The following FTO variants were observed in gnomAD, a reference collection of about 807,000 sequenced individuals.
FTO encodes the protein alpha-ketoglutarate-dependent dioxygenase FTO.
Under a neutral mutation model 63.9 loss-of-function variants are expected in FTO, and 47 were observed. The observed-to-expected ratio is 0.74, with a 90% CI of 0.58 to 0.94. The LOEUF (loss-of-function observed/expected upper bound fraction) is 0.94, where lower values mean the gene tolerates loss of function less well. Ranked by LOEUF, FTO falls within the 40% of genes least tolerant of loss-of-function variation. The pLI is 0.00. For missense variants in FTO, 562 were observed against 618.1 expected (o/e 0.91, Z 0.96); for synonymous variants, 207 against 224.4 (o/e 0.92, Z 0.69).
At chr16:53,948,076 A>G (rs1599060223) in intron 8 of FTO, among the ~76,000 whole-genome samples, 1 of 152,314 alleles carries the variant, frequency 6.6e-6, no homozygotes, top group South Asian at 2.1e-4. Context: ...GTAAAGTAAG[A>G]GAGCCATTCC....
rs529094808 is a variant in FTO at position 54,116,672 on chromosome 16, A to G, written c.*4757A>G. 53 of 151,846 alleles carry G rather than the reference A, an allele frequency of 3.5e-4. No individual in the cohort carries two copies. The highest frequency in any genetic ancestry group is 1.2e-3 in the African/African-American group (50 of 41,414). 9.4% of individuals were successfully genotyped at this position (151,846 alleles called of 1,614,324 possible). A position where few individuals can be genotyped will look rare whatever the true frequency, so the allele number is the denominator to read the frequency against. On this transcript the variant is annotated 3_prime_UTR_variant, in exon 9 of 9. Coordinates refer to ENST00000471389, the MANE Select transcript of FTO (RefSeq NM_001080432.3). The stretch of plus-strand genomic sequence containing the variant: ...TGACTTCCTGCAAGACAGCAAGGGC[A>G]CCCCTGGGCCACTGCTGTGTTTGGG...
At chr16:53,708,285 A>G (rs1320832250) in intron 1 of FTO, among the ~76,000 whole-genome samples, 2 of 152,088 alleles carry the variant, frequency 1.3e-5, no homozygotes, top group African/African-American at 4.8e-5. Context: ...AGAATCACCT[A>G]ACCTGGAAGG....
intron 7 of FTO, among the ~76,000 whole-genome samples, chr16:53,930,680 T>C (rs1342894946): frequency 6.6e-6 from 1 of 152,310 alleles, no homozygotes; most frequent in Admixed American, 6.5e-5. Context: ...TTAAATACTG[T>C]ATTACATAGT....
chr16:53,839,475 G>A (rs959629066), intron 3 of FTO, among the ~76,000 whole-genome samples: 9 of 152,130 alleles, frequency 5.9e-5, no homozygotes, highest in African/African-American at 2.2e-4. Context: ...CACAGCCTAA[G>A]GAGGGGAAAA....
intron 4 of FTO, among the ~76,000 whole-genome samples, chr16:53,853,740 G>A (rs935316321): frequency 5.3e-5 from 8 of 152,052 alleles, no homozygotes; most frequent in African/African-American, 1.7e-4. Flanking sequence ...GGGCACTTTG[G>A]TTGATTCCAT....
chr16:53,719,330 C>T (rs2075977846), intron 1 of FTO, among the ~76,000 whole-genome samples: 2 of 148,736 alleles, frequency 1.3e-5, no homozygotes, highest in South Asian at 4.4e-4. Context: ...CTCCCGGGCT[C>T]AAACAGTTCT....
intron 8 of FTO, among the ~76,000 whole-genome samples, chr16:54,063,265 T>C (rs2689246): frequency 0.26 from 40,154 of 152,120 alleles, 8,254 homozygotes; most frequent in African/African-American, 0.57. Flanking sequence ...CTGCTGATGT[T>C]GGTGGCACCA....
chr16:53,909,646 C>T (rs1356338720), intron 7 of FTO, among the ~76,000 whole-genome samples: 2 of 149,918 alleles, frequency 1.3e-5, no homozygotes, highest in African/African-American at 4.9e-5. Flanking sequence ...TCACTGCAGC[C>T]TCCGCCTCCC....
rs578018571 is a variant in FTO, at chr16:53,915,956, A to C, written c.1240-18029A>C. Among the ~76,000 whole-genome samples, 398 of 152,338 alleles carry C rather than the reference A, an allele frequency of 2.6e-3. 1 individual carries two copies. Among genetic ancestry groups the C allele is most frequent in the African/African-American group, 9.2e-3 (382 of 41,576 alleles). On this transcript the variant is annotated intron_variant, in intron 7 of 8. Transcript: ENST00000471389. The stretch of plus-strand genomic sequence containing the variant: ...TTAAGTAGGAATTCATGCCAACCGC[A>C]GCAGTAGTTTGCAGGTTTTAGACTG...
At chr16:53,766,465 TACCCATTTCA>T (rs1250915208) in intron 1 of FTO, among the ~76,000 whole-genome samples, 1 of 152,148 alleles carries the variant, frequency 6.6e-6, no homozygotes, top group Non-Finnish European at 1.5e-5. Flanking sequence ...TCAAGTGATT[TACCCATTTCA>T]GTGCTCCAAA....
chr16:53,900,655 T>C (rs1357129026), intron 7 of FTO, among the ~76,000 whole-genome samples: 2 of 136,138 alleles, frequency 1.5e-5, no homozygotes, highest in Non-Finnish European at 3.1e-5. Flanking sequence ...TGTGGAGTTA[T>C]ACAAAGAGCT....
chr16:53,814,054 A>G (rs964892544), intron 2 of FTO, among the ~76,000 whole-genome samples: 3 of 152,134 alleles, frequency 2.0e-5, no homozygotes, highest in Non-Finnish European at 4.4e-5. Context: ...AGTTCAGCCC[A>G]TATTTGTCTG....
At chr16:53,852,781 T>C (rs1419914665) in intron 4 of FTO, among the ~76,000 whole-genome samples, 1 of 152,238 alleles carries the variant, frequency 6.6e-6, no homozygotes, top group Non-Finnish European at 1.5e-5. Flanking sequence ...ATCATGACTT[T>C]GTTGCATAGT....
intron 8 of FTO, among the ~76,000 whole-genome samples, chr16:54,025,710 C>A (rs1431602011): frequency 7.2e-6 from 1 of 138,518 alleles, no homozygotes; most frequent in East Asian, 2.3e-4. Flanking sequence ...TAGAATGAGA[C>A]TCCATCTCAA....
rs558143329 is a variant in FTO at position 53,937,293 on chromosome 16, G to C, written c.1364+3184G>C. 7.5e-6 allele frequency: 3 copies of C among 398,518 alleles called. No individual in the cohort carries two copies. The South Asian group carries it at 3.8e-4, about 51-fold the overall frequency. 24.7% of individuals were successfully genotyped at this position (398,518 alleles called of 1,614,324 possible). A position where few individuals can be genotyped will look rare whatever the true frequency, so the allele number is the denominator to read the frequency against. On this transcript the variant is annotated intron_variant, in intron 8 of 8. Transcript: ENST00000471389. Reference sequence around the variant, plus strand: ...CATCGGGAGAAGCTGTGTGAATGCAGGGTAAGTGTTAACAGAAGTGGGACA... The same window carrying C: ...CATCGGGAGAAGCTGTGTGAATGCACGGTAAGTGTTAACAGAAGTGGGACA...
At chr16:54,017,250 T>G (rs1599212802) in intron 8 of FTO, among the ~76,000 whole-genome samples, 1 of 152,238 alleles carries the variant, frequency 6.6e-6, no homozygotes, top group East Asian at 1.9e-4. Context: ...AAGTTGATAC[T>G]TCATCTTTGC....
intron 7 of FTO, among the ~76,000 whole-genome samples, chr16:53,919,714 C>G (rs2081964446): frequency 6.6e-6 from 1 of 152,178 alleles, no homozygotes; most frequent in Admixed American, 6.5e-5. Flanking sequence ...GACCATTGTT[C>G]TAACTGAAGT....
chr16:53,978,128 T>C (rs2083467953), intron 8 of FTO, among the ~76,000 whole-genome samples: 1 of 152,216 alleles, frequency 6.6e-6, no homozygotes, highest in South Asian at 2.1e-4. Context: ...GAAGACACTA[T>C]TGTTTCATTT....
At chr16:53,775,574 C>T (rs1222325250) in intron 1 of FTO, among the ~76,000 whole-genome samples, 1 of 152,152 alleles carries the variant, frequency 6.6e-6, no homozygotes, top group East Asian at 1.9e-4. Context: ...TTCTGAGGCT[C>T]CTCATTACAT....
Sources: allele counts gnomAD v4.1 joint callset (sites outside exome capture counted in the v4.1 genomes callset), GRCh38; gene constraint gnomAD v4.1.1; transcripts MANE v1.5; gene names NCBI Gene and HGNC (gene_info 2026-07-23, HGNC 2026-07-21).